The following MAPRE2 variants were observed in gnomAD, a reference collection of about 807,000 sequenced individuals.
MAPRE2 encodes the protein microtubule associated protein RP/EB family member 2.
A neutral mutation model predicts 43.2 loss-of-function variants in MAPRE2; 13 were observed. That is an observed-to-expected ratio of 0.30 (90% CI 0.20 to 0.48). The LOEUF (loss-of-function observed/expected upper bound fraction) is 0.48, where lower values mean the gene tolerates loss of function less well. MAPRE2 is among the 20% of genes least tolerant of loss of function. MAPRE2 has a pLI of 0.99. For synonymous variants in MAPRE2, 135 were observed against 148.8 expected (o/e 0.91, Z 0.68); for missense variants, 161 against 400.2 (o/e 0.40, Z 5.10).
At chr18:34,986,548 A>AT (rs751392744) in intron 1 of MAPRE2, among the ~76,000 whole-genome samples, 43 of 152,062 alleles carry the variant, frequency 2.8e-4, no homozygotes, top group Non-Finnish European at 5.6e-4. Flanking sequence ...CTCTATTGTG[A>AT]TTTTTTTAAA....
intron 1 of MAPRE2, among the ~76,000 whole-genome samples, chr18:34,987,322 A>T (rs2097021532): frequency 1.3e-5 from 2 of 152,232 alleles, no homozygotes; most frequent in Admixed American, 1.3e-4. Context: ...ATGAGGCATC[A>T]GCATCACCTA....
intron 4 of MAPRE2, among the ~76,000 whole-genome samples, chr18:35,124,740 C>T (rs1190512944): frequency 2.0e-5 from 3 of 152,248 alleles, no homozygotes; most frequent in Admixed American, 6.5e-5. Flanking sequence ...TTGATATTTC[C>T]GAGCTGTCTC....
At chr18:34,977,287 C>A (rs183835187) in intron 1 of MAPRE2, among the ~76,000 whole-genome samples, 3 of 152,168 alleles carry the variant, frequency 2.0e-5, no homozygotes, top group Non-Finnish European at 4.4e-5. Flanking sequence ...GGGTGTGCAC[C>A]CCGCCGCTCT....
In MAPRE2 at chr18:35,082,023, G is replaced by T. The variant is rs1238542766; in HGVS notation, c.250+11701G>T. 2.7e-5 allele frequency: 2 copies of T among 73,208 alleles called. 1 individual carries two copies. The highest frequency in any genetic ancestry group is 4.1e-4 in the African/African-American group (2 of 4,904). 4.5% of individuals were successfully genotyped at this position (73,208 alleles called of 1,614,324 possible). On this transcript the variant is annotated intron_variant, in intron 2 of 6. Transcript: ENST00000300249. The stretch of plus-strand genomic sequence containing the variant: ...CATACGTTCTGGGCCGGGCGCGGTG[G>T]CTCACGCCTGTAATCCCAGCACTTT...
Position 35,141,675 on chromosome 18 carries a change from A to AT in MAPRE2, c.*1312dup, listed in dbSNP as rs1255969308. The stretch of plus-strand genomic sequence containing the variant: ...TTGCCTCTTTTTTTTCTTTATTTTT[A>AT]TTTTTTCCTTTGACAGATGGTATCC... On this transcript the variant is annotated 3_prime_UTR_variant, in exon 7 of 7. Coordinates refer to ENST00000300249, the MANE Select transcript of MAPRE2 (RefSeq NM_014268.4). 1 of 150,130 alleles carries AT rather than the reference A, an allele frequency of 6.7e-6. No homozygotes were observed. 9.3% of individuals were successfully genotyped at this position (150,130 alleles called of 1,614,324 possible). A position where few individuals can be genotyped will look rare whatever the true frequency, so the allele number is the denominator to read the frequency against.
intron 4 of MAPRE2, among the ~76,000 whole-genome samples, chr18:35,109,221 A>T (rs1039546084): frequency 1.3e-5 from 2 of 152,144 alleles, no homozygotes; most frequent in South Asian, 2.1e-4. Flanking sequence ...TGAATAGGAG[A>T]TCCTTTCCCC....
At chr18:34,983,438 C>G (rs1227724487) in intron 1 of MAPRE2, among the ~76,000 whole-genome samples, 3 of 152,054 alleles carry the variant, frequency 2.0e-5, no homozygotes, top group African/African-American at 7.2e-5. Context: ...TGAACACTTG[C>G]CTTAACTCTT....
intron 1 of MAPRE2, among the ~76,000 whole-genome samples, chr18:34,990,284 A>G (rs1486483703): frequency 6.6e-6 from 1 of 152,080 alleles, no homozygotes; most frequent in Non-Finnish European, 1.5e-5. Flanking sequence ...CAAAAACTTC[A>G]TTTCTTCTGC....
chr18:35,048,569 CATATATGTATTAT>C (rs932738630), intron 1 of MAPRE2, among the ~76,000 whole-genome samples: 2 of 149,310 alleles, frequency 1.3e-5, no homozygotes, highest in African/African-American at 4.9e-5. Flanking sequence ...ATAGTAGTAA[CATATATGTATTAT>C]ATATGTGTGT....
At chr18:35,126,324 C>T (rs1909899301) in intron 4 of MAPRE2, among the ~76,000 whole-genome samples, 1 of 152,164 alleles carries the variant, frequency 6.6e-6, no homozygotes, top group South Asian at 2.1e-4. Context: ...TGCTTTTTGA[C>T]ACAAGATATC....
intron 4 of MAPRE2, among the ~76,000 whole-genome samples, chr18:35,107,904 C>T (rs749248243): frequency 6.6e-6 from 1 of 151,478 alleles, no homozygotes; most frequent in South Asian, 2.1e-4. Flanking sequence ...CTTTAATTCT[C>T]TCCATTTTTG....
upstream of MAPRE2, among the ~76,000 whole-genome samples, chr18:35,037,662 A>ATT (rs35904391): frequency 1.1e-4 from 17 of 150,624 alleles, no homozygotes; most frequent in Admixed American, 3.3e-4. Flanking sequence ...ATTTTAGCTT[A>ATT]TTTTTTTTTT....
chr18:34,988,908 C>G (rs2097022382), intron 1 of MAPRE2: 1 of 152,092 alleles, frequency 6.6e-6, no homozygotes, highest in African/African-American at 2.4e-5. Context: ...TGCCTGCACT[C>G]TCTCTCAGGA....
At chr18:35,069,824 G>T (rs1228015533) in intron 1 of MAPRE2, among the ~76,000 whole-genome samples, 2 of 152,092 alleles carry the variant, frequency 1.3e-5, no homozygotes, top group Non-Finnish European at 2.9e-5. Flanking sequence ...TTTGTAGTGA[G>T]TACTGAAATA....
intron 1 of MAPRE2, among the ~76,000 whole-genome samples, chr18:35,068,996 T>C (rs938137961): frequency 2.0e-5 from 3 of 152,064 alleles, no homozygotes; most frequent in African/African-American, 4.8e-5. Flanking sequence ...AAGCCCAGAG[T>C]TGTGCTAGAT....
At chr18:34,986,971 A>T (rs2150573002) in intron 1 of MAPRE2, among the ~76,000 whole-genome samples, 1 of 152,266 alleles carries the variant, frequency 6.6e-6, no homozygotes, top group South Asian at 2.1e-4. Flanking sequence ...TCTGTAAAAG[A>T]TCTGAGGTTA....
intron 2 of MAPRE2, among the ~76,000 whole-genome samples, chr18:35,079,959 G>A (rs780480965): frequency 2.6e-5 from 4 of 152,196 alleles, no homozygotes; most frequent in Non-Finnish European, 4.4e-5. Flanking sequence ...TCAAGGCAGC[G>A]AAAGAGGGAC....
At chr18:35,052,154 C>T (rs1190993247) in intron 1 of MAPRE2, among the ~76,000 whole-genome samples, 1 of 152,158 alleles carries the variant, frequency 6.6e-6, no homozygotes, top group Admixed American at 6.5e-5. Context: ...AGTGTGTCCA[C>T]CCTGAAGCCA....
rs143930747 is a variant in MAPRE2 at position 35,012,360 on chromosome 18, G to C, written c.-8+6807G>C. ...AAATATAGATAAAATTGCCCAAGGA[G>C]AGTATAGAATGAGAAAGGGAGTCCA... is the stretch of plus-strand genomic sequence containing the variant. On this transcript the variant is annotated intron_variant, in intron 2 of 7. Coordinates refer to the MAPRE2 transcript ENST00000413393. Among the ~76,000 whole-genome samples, 10 of 152,252 alleles carry C rather than the reference G, an allele frequency of 6.6e-5. No individual in the cohort carries two copies. The East Asian group carries it at 1.2e-3, about 18-fold the overall frequency.
Sources: allele counts gnomAD v4.1 joint callset (sites outside exome capture counted in the v4.1 genomes callset), GRCh38; gene constraint gnomAD v4.1.1; transcripts MANE v1.5; gene names NCBI Gene and HGNC (gene_info 2026-07-23, HGNC 2026-07-21).